The following TRDN variants were observed in gnomAD, a reference collection of about 807,000 sequenced individuals.
TRDN encodes triadin, also known as triadin in skeletal muscle.
Under a neutral mutation model 149.7 loss-of-function variants are expected in TRDN, and 161 were observed. The ratio of observed to expected loss-of-function variants is 1.08; its 90% CI spans 0.95 to 1.23. The LOEUF is 1.23. Ranked by LOEUF, TRDN falls within the 50% of genes most tolerant of loss-of-function variation. The pLI, the probability that TRDN is intolerant of heterozygous loss-of-function variation, is 0.00. For synonymous variants in TRDN, 294 were observed against 250.5 expected (o/e 1.17, Z -1.64); for missense variants, 896 against 823.5 (o/e 1.09, Z -1.08).
chr6:123,223,968 G>T, intron 39 of TRDN, 125 bp downstream of exon 39: 1 of 745,750 alleles, frequency 1.3e-6, no homozygotes, highest in Non-Finnish European at 2.1e-6. Context: ...AGCCTACCAT[G>T]TAAATGTTGC....
In TRDN at chr6:123,237,840, G is replaced by C. The variant is rs145897085; in HGVS notation, c.1976-13709C>G. Among the ~76,000 whole-genome samples the C allele has an allele frequency of 6.2e-3, 939 of 152,222 alleles. 2 individuals carry two copies. Among genetic ancestry groups the C allele is most frequent in the Non-Finnish European group, 0.011 (744 of 68,024 alleles). On this transcript the variant is annotated intron_variant, in intron 38 of 40. Coordinates refer to ENST00000334268, the MANE Select transcript of TRDN (RefSeq NM_006073.4). Reference sequence around the variant, plus strand: ...GAAATCCTCATCCCAACAAACTATAGTAACACTGCAGCAGAACAAAGGCTA... The same window carrying C: ...GAAATCCTCATCCCAACAAACTATACTAACACTGCAGCAGAACAAAGGCTA...
At chr6:123,417,843 T>G (rs1332667110) in intron 12 of TRDN, among the ~76,000 whole-genome samples, 2 of 152,168 alleles carry the variant, frequency 1.3e-5, no homozygotes, top group Non-Finnish European at 2.9e-5. Context: ...AAAGGAGCAC[T>G]TTCCTTCTGA....
chr6:123,314,543 C>T lies in TRDN; in HGVS notation c.1510+1914G>A, dbSNP rs191544171. The stretch of plus-strand genomic sequence containing the variant: ...CTTCTGTTATAAAGACACATGCACA[C>T]ATATGTTCATTGCAGCACTATCCAC... On this transcript the variant is annotated intron_variant, in intron 24 of 40. Coordinates refer to ENST00000334268, the MANE Select transcript of TRDN (RefSeq NM_006073.4). 5.3e-5 allele frequency among the ~76,000 whole-genome samples: 8 copies of T among 152,096 alleles called. No homozygotes were observed. In the East Asian group the frequency reaches 1.5e-3, roughly 29 times the overall value.
At chr6:123,369,848 G>A (rs886628836) in intron 19 of TRDN, among the ~76,000 whole-genome samples, 7 of 151,748 alleles carry the variant, frequency 4.6e-5, no homozygotes, top group African/African-American at 1.7e-4. Context: ...TGCCAGTATT[G>A]CTTCGATCTG....
intron 1 of TRDN, among the ~76,000 whole-genome samples, chr6:123,604,088 C>T (rs1416050530): frequency 2.0e-5 from 3 of 152,200 alleles, no homozygotes; most frequent in African/African-American, 7.2e-5. Context: ...TATCATTTGA[C>T]AAATGAATAT....
chr6:123,314,260 C>T (rs1440009118), intron 24 of TRDN, among the ~76,000 whole-genome samples: 1 of 152,012 alleles, frequency 6.6e-6, no homozygotes, highest in Non-Finnish European at 1.5e-5. Context: ...GGCTTAATAT[C>T]ACTGATTATT....
intron 22 of TRDN, among the ~76,000 whole-genome samples, chr6:123,332,623 A>C (rs2114728554): frequency 6.6e-6 from 1 of 152,252 alleles, no homozygotes; most frequent in African/African-American, 2.4e-5. Flanking sequence ...CCTAATAAAA[A>C]ATAAAACATT....
chr6:123,560,106 C>T (rs1173119072), intron 2 of TRDN, among the ~76,000 whole-genome samples: 1 of 152,200 alleles, frequency 6.6e-6, no homozygotes, highest in East Asian at 1.9e-4. Flanking sequence ...TTAGCCTAGC[C>T]CTTATGTCTG....
At chr6:123,596,967 T>C (rs756673350) in intron 1 of TRDN, among the ~76,000 whole-genome samples, 1 of 152,240 alleles carries the variant, frequency 6.6e-6, no homozygotes, top group African/African-American at 2.4e-5. Context: ...CTGTGGCCCA[T>C]GGATCAAAGA....
At chr6:123,446,943 T>C (rs756066783) in intron 10 of TRDN, among the ~76,000 whole-genome samples, 3 of 152,124 alleles carry the variant, frequency 2.0e-5, no homozygotes, top group Non-Finnish European at 4.4e-5. Flanking sequence ...TCCTCGGAAT[T>C]TTATTTGGGA....
At chr6:123,451,285 A>G (rs1393612241) in intron 10 of TRDN, among the ~76,000 whole-genome samples, 1 of 152,074 alleles carries the variant, frequency 6.6e-6, no homozygotes, top group Non-Finnish European at 1.5e-5. Context: ...AACAACAAAA[A>G]AATACAAAAG....
intron 9 of TRDN, among the ~76,000 whole-genome samples, chr6:123,495,344 C>A (rs1402243766): frequency 6.6e-6 from 1 of 151,314 alleles, no homozygotes; most frequent in Non-Finnish European, 1.5e-5. Context: ...CATGGTGAAA[C>A]CCCGTCTCTA....
intron 4 of TRDN, among the ~76,000 whole-genome samples, chr6:123,535,285 A>C (rs1334613381): frequency 6.6e-6 from 1 of 152,192 alleles, no homozygotes; most frequent in Non-Finnish European, 1.5e-5. Context: ...ACTCCACTAA[A>C]GTTGCCGGTG....
At position 123,391,330 on chromosome 6, in the gene TRDN, C is replaced by T. The variant is rs560577372; in HGVS notation, c.1105+2294G>A. Among the ~76,000 whole-genome samples, 16 of 152,174 alleles carry T rather than the reference C, an allele frequency of 1.1e-4. No individual in the cohort carries two copies. In the South Asian group the frequency reaches 2.3e-3, roughly 22 times the overall value. On this transcript the variant is annotated intron_variant, in intron 13 of 40. Coordinates refer to ENST00000334268, the MANE Select transcript of TRDN (RefSeq NM_006073.4). ...TAATATTTTTAACAATTACCATCTC[C>T]TAATTACCCAGTTTCCAAAGCTCAG...
intron 33 of TRDN, among the ~76,000 whole-genome samples, 189 bp downstream of exon 33, chr6:123,265,129 T>A (rs2114598051): frequency 6.6e-6 from 1 of 152,116 alleles, no homozygotes; most frequent in East Asian, 1.9e-4. Flanking sequence ...TAGTTGTGCT[T>A]TTTGTCTCCA....
At chr6:123,489,004 T>G (rs1208376750) in intron 9 of TRDN, 1 of 152,156 alleles carries the variant, frequency 6.6e-6, no homozygotes, top group East Asian at 1.9e-4. Context: ...AGTAAATATT[T>G]AGCAACTGGT....
At chr6:123,236,579 CA>C (rs1194971019) in intron 38 of TRDN, among the ~76,000 whole-genome samples, 1 of 152,106 alleles carries the variant, frequency 6.6e-6, no homozygotes, top group African/African-American at 2.4e-5. Flanking sequence ...TCATGTTTTA[CA>C]TTTAGAGATA....
chr6:123,278,286 A>C, intron 26 of TRDN, 32 bp downstream of exon 26: 1 of 1,244,076 alleles, frequency 8.0e-7, no homozygotes, highest in Non-Finnish European at 1.1e-6. Context: ...AAACATGGAA[A>C]TCATATATGT....
At chr6:123,413,255 A>G (rs765233255) in intron 12 of TRDN, among the ~76,000 whole-genome samples, 2 of 152,202 alleles carry the variant, frequency 1.3e-5, no homozygotes, top group Non-Finnish European at 2.9e-5. Context: ...TGACATCAGC[A>G]TCTCAGTCTC....
Sources: gnomAD v4.1 joint callset for allele counts (sites outside exome capture counted in the v4.1 genomes callset) on GRCh38, gnomAD v4.1.1 for gene constraint, MANE v1.5 for transcripts, NCBI Gene and HGNC (gene_info 2026-07-23, HGNC 2026-07-21) for gene names.